The following RXFP1 variants were observed in gnomAD, a reference collection of about 807,000 sequenced individuals.
RXFP1 encodes relaxin family peptide receptor 1, also known as relaxin receptor 1.
In RXFP1, 73 loss-of-function variants were observed where a neutral mutation model predicts 89.8. The ratio of observed to expected loss-of-function variants is 0.81; its 90% CI spans 0.67 to 0.99. RXFP1 has a LOEUF of 0.99. Among genes scored for constraint, RXFP1 ranks in the 50% least tolerant of loss-of-function variants. The pLI is 0.00. For missense variants in RXFP1, 793 were observed against 895.5 expected (o/e 0.89, Z 1.46); for synonymous variants, 277 against 305.5 (o/e 0.91, Z 0.97).
intron 1 of RXFP1, among the ~76,000 whole-genome samples, chr4:158,522,516 G>A (rs529952620): frequency 6.6e-6 from 1 of 152,162 alleles, no homozygotes; most frequent in South Asian, 2.1e-4. Context: ...ACTGTTCCTT[G>A]AAAGAAAAAC....
intron 1 of RXFP1, among the ~76,000 whole-genome samples, chr4:158,552,707 A>G (rs1750416206): frequency 6.6e-6 from 1 of 152,234 alleles, no homozygotes; most frequent in Non-Finnish European, 1.5e-5. Flanking sequence ...AGCTGGTAGA[A>G]AATTGTAATG....
chr4:158,567,868 G>C (rs1262507891), intron 1 of RXFP1, among the ~76,000 whole-genome samples: 1 of 152,202 alleles, frequency 6.6e-6, no homozygotes, highest in African/African-American at 2.4e-5. Context: ...GGCTGCCCAA[G>C]TCAGCAGTGG....
At chr4:158,573,806 T>A (rs1465044128) in intron 2 of RXFP1, among the ~76,000 whole-genome samples, 1 of 152,200 alleles carries the variant, frequency 6.6e-6, no homozygotes, top group Non-Finnish European at 1.5e-5. Flanking sequence ...TAATTGTGCC[T>A]ATACTCTAAG....
chr4:158,644,297 C>A (rs1244048020), intron 14 of RXFP1, among the ~76,000 whole-genome samples: 1 of 152,164 alleles, frequency 6.6e-6, no homozygotes. Context: ...CCACCCACCT[C>A]GGCCTCCCAA....
intron 1 of RXFP1, among the ~76,000 whole-genome samples, chr4:158,570,806 C>G (rs547727144): frequency 6.6e-6 from 1 of 152,154 alleles, no homozygotes; most frequent in Non-Finnish European, 1.5e-5. Flanking sequence ...AAAACCCAAA[C>G]TTCTTCCCTT....
At chr4:158,529,244 T>TTGTTGTTGTTG (rs1743379741) in intron 1 of RXFP1, among the ~76,000 whole-genome samples, 1 of 109,994 alleles carries the variant, frequency 9.1e-6, no homozygotes, top group African/African-American at 3.8e-5. Flanking sequence ...TTGCTTGTTT[T>TTGTTGTTGTTG]TTGTTGTTGT....
chr4:158,552,915 T>A (rs965790742), intron 1 of RXFP1, among the ~76,000 whole-genome samples: 4 of 152,236 alleles, frequency 2.6e-5, no homozygotes, highest in Non-Finnish European at 5.9e-5. Context: ...CTAGGTGCTA[T>A]GGCTCACATC....
intron 2 of RXFP1, among the ~76,000 whole-genome samples, chr4:158,581,240 C>G (rs1450773679): frequency 6.6e-6 from 1 of 152,190 alleles, no homozygotes; most frequent in Admixed American, 6.5e-5. Flanking sequence ...TAAGCACATT[C>G]TCTCATTCCT....
chr4:158,538,790 G>A (rs1745890779), intron 1 of RXFP1, among the ~76,000 whole-genome samples: 1 of 141,698 alleles, frequency 7.1e-6, no homozygotes, highest in African/African-American at 2.7e-5. Context: ...GGCAACAAGA[G>A]TGAAATGCCG....
In RXFP1 at chr4:158,646,893, C is replaced by G; in HGVS notation, c.1448C>G (p.Thr483Ser). The change falls in exon 16 of 18, where the codon ACT becomes AGT. Residue 483 changes from threonine to serine, a missense_variant. Thr to Ser is a moderately conservative substitution (Grantham distance 58, BLOSUM62 1). Coordinates refer to ENST00000307765, the MANE Select transcript of RXFP1 (RefSeq NM_021634.4). Reference sequence around the variant, plus strand: ...CATGCGCAGCTGTGGATGGAGAGTACTCATTGTCAGCTTGTAGGATCTTTG... The same window carrying G: ...CATGCGCAGCTGTGGATGGAGAGTAGTCATTGTCAGCTTGTAGGATCTTTG... Reference protein sequence around the residue: ...NKHAQLWMESTHCQLVGSLAI... With the variant: ...NKHAQLWMESSHCQLVGSLAI... 6.2e-7 allele frequency: 1 copy of G among 1,614,144 alleles called. No homozygotes were observed. Among genetic ancestry groups the G allele is most frequent in the Non-Finnish European group, 8.5e-7 (1 of 1,180,002 alleles).
At chr4:158,547,202 A>T (rs542889131) in intron 1 of RXFP1, among the ~76,000 whole-genome samples, 1 of 152,038 alleles carries the variant, frequency 6.6e-6, no homozygotes, top group South Asian at 2.1e-4. Flanking sequence ...TGAGGAATTT[A>T]TCCATTTCTT....
At chr4:158,612,040 A>C in intron 6 of RXFP1, 90 bp from the exon 7 acceptor site, 1 of 1,115,056 alleles carries the variant, frequency 9.0e-7, no homozygotes, top group Non-Finnish European at 1.3e-6. Flanking sequence ...CTATGTAAAA[A>C]ATTTAAGATG....
rs117840575 is a variant in RXFP1, at chr4:158,565,329, G to T, written c.50-7369G>T. On this transcript the variant is annotated intron_variant, in intron 1 of 17. Coordinates refer to ENST00000307765, the MANE Select transcript of RXFP1 (RefSeq NM_021634.4). The stretch of plus-strand genomic sequence containing the variant: ...GTTTTCAGTATTAGAAATATACAGA[G>T]AAATTAATACAGATGGAAATGTGTG... 3.2e-4 allele frequency among the ~76,000 whole-genome samples: 49 copies of T among 152,288 alleles called. No homozygotes were observed. The East Asian group carries it at 8.9e-3, about 28-fold the overall frequency.
intron 2 of RXFP1, among the ~76,000 whole-genome samples, chr4:158,580,204 C>T (rs1364068591): frequency 2.0e-5 from 3 of 152,100 alleles, no homozygotes; most frequent in Admixed American, 2.0e-4. Flanking sequence ...AGCTACCTGG[C>T]CCTAGGATAA....
chr4:158,599,267 T>G, intron 3 of RXFP1, 59 bp from the exon 4 acceptor site: 1 of 1,610,636 alleles, frequency 6.2e-7, no homozygotes, highest in Non-Finnish European at 8.5e-7. Flanking sequence ...TTCTTTTCAT[T>G]ACCCTCCTCT....
intron 11 of RXFP1, 122 bp from the exon 12 acceptor site, chr4:158,633,283 G>T (rs1034640351): frequency 8.3e-6 from 5 of 600,396 alleles, no homozygotes; most frequent in Middle Eastern, 2.7e-4. Flanking sequence ...TAGACTTCTG[G>T]TGATTAATAT....
chr4:158,620,283 CAAAAAT>C (rs1765374652), intron 9 of RXFP1, among the ~76,000 whole-genome samples: 1 of 151,712 alleles, frequency 6.6e-6, no homozygotes, highest in African/African-American at 2.4e-5. Flanking sequence ...GAAAAAGAGA[CAAAAAT>C]AAAGGCAAAA....
chr4:158,649,121 A>G lies in RXFP1; in HGVS notation c.1975+404A>G, dbSNP rs79112148. ...GAGCCAAAAAAAAAAAATTGTAAAAATTGTAAGTCAGAGTTGTAGGTACTT... is the reference window on the plus strand; with the variant it reads ...GAGCCAAAAAAAAAAAATTGTAAAAGTTGTAAGTCAGAGTTGTAGGTACTT... On this transcript the variant is annotated intron_variant, in intron 17 of 17. Coordinates refer to ENST00000307765, the MANE Select transcript of RXFP1 (RefSeq NM_021634.4). Among the ~76,000 whole-genome samples, 21 of 152,090 alleles carry G rather than the reference A, an allele frequency of 1.4e-4. No individual in the cohort carries two copies. The East Asian group carries it at 4.1e-3, about 29-fold the overall frequency.
At chr4:158,566,393 C>T (rs1474022204) in intron 1 of RXFP1, among the ~76,000 whole-genome samples, 3 of 147,612 alleles carry the variant, frequency 2.0e-5, no homozygotes, top group South Asian at 2.2e-4. Context: ...TTGAGAGTTT[C>T]GCTCTTGTTG....
Sources: allele counts gnomAD v4.1 joint callset (sites outside exome capture counted in the v4.1 genomes callset), GRCh38; gene constraint gnomAD v4.1.1; transcripts MANE v1.5; gene names NCBI Gene and HGNC (gene_info 2026-07-23, HGNC 2026-07-21).